The following AURKA variants were observed in gnomAD, a reference collection of about 807,000 sequenced individuals.
The protein encoded by AURKA is aurora kinase A.
AURKA carries 12 observed loss-of-function variants against 40.9 expected under a neutral mutation model. The observed-to-expected ratio is 0.29, with a 90% confidence interval of 0.19 to 0.48. The LOEUF (loss-of-function observed/expected upper bound fraction) is 0.48, where lower values mean the gene tolerates loss of function less well. Among genes scored for constraint, AURKA ranks in the 20% least tolerant of loss-of-function variants. AURKA has a pLI of 0.99. For synonymous variants in AURKA, 170 were observed against 164.3 expected (o/e 1.03, Z -0.26); for missense variants, 322 against 462.1 (o/e 0.70, Z 2.78).
At chr20:56,371,077 G>A (rs1026473995) in intron 7 of AURKA, among the ~76,000 whole-genome samples, 2 of 152,200 alleles carry the variant, frequency 1.3e-5, no homozygotes, top group African/African-American at 2.4e-5. Flanking sequence ...CAGCACTGGG[G>A]TGGAGATGTA....
At chr20:56,381,356 T>C in intron 6 of AURKA, 77 bp downstream of exon 6, 3 of 1,572,638 alleles carry the variant, frequency 1.9e-6, no homozygotes, top group Non-Finnish European at 2.6e-6. Context: ...CCCACTCTAC[T>C]ATGATGAAAG....
chr20:56,375,303 C>A, intron 6 of AURKA, among the ~76,000 whole-genome samples: 2 of 145,722 alleles, frequency 1.4e-5, no homozygotes, highest in East Asian at 2.0e-4. Flanking sequence ...AATTTTTAAT[C>A]TTTCTTTTTT....
At chr20:56,372,078 C>G (rs949231137) in intron 7 of AURKA, among the ~76,000 whole-genome samples, 1 of 152,180 alleles carries the variant, frequency 6.6e-6, no homozygotes, top group Non-Finnish European at 1.5e-5. Context: ...AAGCTGGGAA[C>G]AGCAGACAGC....
intron 5 of AURKA, among the ~76,000 whole-genome samples, 173 bp downstream of exon 5, chr20:56,382,812 T>G (rs747665097): frequency 2.6e-5 from 4 of 151,924 alleles, no homozygotes; most frequent in Non-Finnish European, 4.4e-5. Context: ...GTACAGAAGC[T>G]TATCTAATCT....
At position 56,389,369 on chromosome 20, in the gene AURKA, C is replaced by T. The variant is rs149537067; in HGVS notation, c.-5-1167G>A. 3.6e-3 allele frequency among the ~76,000 whole-genome samples: 547 copies of T among 152,230 alleles called. 5 individuals carry two copies. Among genetic ancestry groups the T allele is most frequent in the African/African-American group, 0.013 (525 of 41,520 alleles). On this transcript the variant is annotated intron_variant, in intron 1 of 8. Transcript: ENST00000395915. ...ATATCCAAGGATTTGCCCAGGATCTCCCAAAAATGTCTGCCAGGCACCTCA... is the reference window on the plus strand; with the variant it reads ...ATATCCAAGGATTTGCCCAGGATCTTCCAAAAATGTCTGCCAGGCACCTCA...
intron 1 of AURKA, among the ~76,000 whole-genome samples, chr20:56,388,994 T>C (rs1006452317): frequency 6.6e-6 from 1 of 152,204 alleles, no homozygotes; most frequent in East Asian, 1.9e-4. Flanking sequence ...GTCAGGCTCA[T>C]GGCTGACACC....
At chr20:56,371,086 T>C (rs1984107145) in intron 7 of AURKA, among the ~76,000 whole-genome samples, 1 of 152,202 alleles carries the variant, frequency 6.6e-6, no homozygotes, top group Non-Finnish European at 1.5e-5. Context: ...GGTGGAGATG[T>C]AGACACATGC....
intron 6 of AURKA, among the ~76,000 whole-genome samples, chr20:56,381,112 AT>A (rs1180821623): frequency 5.3e-5 from 8 of 152,176 alleles, no homozygotes; most frequent in African/African-American, 1.2e-4. Context: ...TTTAAAAAAA[AT>A]AAAATAAAAT....
At chr20:56,375,092 A>C (rs1984754303) in intron 6 of AURKA, among the ~76,000 whole-genome samples, 1 of 152,012 alleles carries the variant, frequency 6.6e-6, no homozygotes, top group South Asian at 2.1e-4. Flanking sequence ...CCCTATCGCT[A>C]AGATTTAGCA....
intron 6 of AURKA, among the ~76,000 whole-genome samples, chr20:56,380,390 T>G (rs908325165): frequency 1.3e-5 from 2 of 150,576 alleles, no homozygotes; most frequent in Non-Finnish European, 3.0e-5. Flanking sequence ...GAAAAAAAGT[T>G]CCCAGTGGCC....
chr20:56,378,773 G>A (rs1985297616), intron 6 of AURKA, among the ~76,000 whole-genome samples: 1 of 152,188 alleles, frequency 6.6e-6, no homozygotes, highest in Admixed American at 6.5e-5. Flanking sequence ...CTAAGTGGAA[G>A]AAGCCCACCT....
At chr20:56,389,582 C>G (rs1409594403) in intron 1 of AURKA, among the ~76,000 whole-genome samples, 1 of 152,090 alleles carries the variant, frequency 6.6e-6, no homozygotes, top group African/African-American at 2.4e-5. Flanking sequence ...ATTCTTCAGC[C>G]CAGACCTCTC....
chr20:56,389,418 C>T (rs986196684), intron 1 of AURKA, among the ~76,000 whole-genome samples: 2 of 152,098 alleles, frequency 1.3e-5, no homozygotes, highest in Non-Finnish European at 1.5e-5. Flanking sequence ...CAAAACTGAA[C>T]CTCTTCCCTT....
At chr20:56,386,609 T>G in intron 2 of AURKA, 76 bp from the exon 3 acceptor site, 1 of 1,556,694 alleles carries the variant, frequency 6.4e-7, no homozygotes, top group Non-Finnish European at 8.8e-7. Context: ...TTCACAAAGT[T>G]TGTTCTCTAG....
chr20:56,384,645 A>G (rs1986136797), intron 3 of AURKA, among the ~76,000 whole-genome samples: 1 of 152,136 alleles, frequency 6.6e-6, no homozygotes, highest in Non-Finnish European at 1.5e-5. Context: ...TGGCAGAAGT[A>G]CCAATCTTCC....
rs1984580653 is a variant in AURKA at position 56,373,849 on chromosome 20, C to G, written c.706-293G>C. Reference sequence around the variant, plus strand: ...CCTGTAGTCCCAGCTACTTGGGAGGCTGAGGCAGGAGGATTGCTTGAGACC... The same window carrying G: ...CCTGTAGTCCCAGCTACTTGGGAGGGTGAGGCAGGAGGATTGCTTGAGACC... On this transcript the variant is annotated intron_variant, in intron 6 of 8. Transcript: ENST00000395915. The surrounding 1 kb of genome is among the most constrained non-coding windows in gnomAD (Gnocchi z 5.0). 6.6e-6 allele frequency among the ~76,000 whole-genome samples: 1 copy of G among 152,110 alleles called. No individual in the cohort carries two copies. Among genetic ancestry groups the G allele is most frequent in the Admixed American group, 6.5e-5 (1 of 15,274 alleles).
intron 2 of AURKA, among the ~76,000 whole-genome samples, chr20:56,387,222 C>T (rs1288254475): frequency 6.6e-6 from 1 of 152,076 alleles, no homozygotes; most frequent in Non-Finnish European, 1.5e-5. Context: ...GGCATGATCT[C>T]GGCTCACTGC....
chr20:56,390,558 C>G (rs557541027), intron 1 of AURKA: 1 of 152,236 alleles, frequency 6.6e-6, no homozygotes, highest in South Asian at 2.1e-4. Context: ...CCACCCACCT[C>G]GGCCTCCGAA....
In AURKA at chr20:56,371,393, C is replaced by CG. The variant is rs773011901; in HGVS notation, c.855-735dup. Among the ~76,000 whole-genome samples, 161 of 151,160 alleles carry CG rather than the reference C, an allele frequency of 1.1e-3. 1 individual carries two copies. The highest frequency in any genetic ancestry group is 2.5e-3 in the African/African-American group (105 of 41,180). On this transcript the variant is annotated intron_variant, in intron 7 of 8. Coordinates refer to ENST00000395915, the MANE Select transcript of AURKA (RefSeq NM_198437.3). The stretch of plus-strand genomic sequence containing the variant: ...AGAAGAATGGCGTGAACCCGGGAGG[C>CG]GAGCTTGTAGTGAGCCAAGATCGCA...
Sources: gnomAD v4.1 joint callset for allele counts (sites outside exome capture counted in the v4.1 genomes callset) on GRCh38, gnomAD v4.1.1 for gene constraint, Gnocchi (gnomAD v3.1) non-coding constraint, MANE v1.5 for transcripts, NCBI Gene and HGNC (gene_info 2026-07-23, HGNC 2026-07-21) for gene names.